Variants in FARSB observed in about 807,000 individuals in gnomAD.
FARSB encodes phenylalanine--tRNA ligase beta subunit.
Under a neutral mutation model 69.6 loss-of-function variants are expected in FARSB, and 40 were observed. That is an observed-to-expected ratio of 0.57 (90% CI 0.45 to 0.75). FARSB has a LOEUF of 0.75. Among genes scored for constraint, FARSB ranks in the 30% least tolerant of loss-of-function variants. FARSB has a pLI of 0.00. For missense variants in FARSB, 632 were observed against 722.9 expected, an observed-to-expected ratio of 0.87 and a Z score of 1.44; for synonymous variants, 235 against 247.2, an observed-to-expected ratio of 0.95 and a Z score of 0.46.
chr2:222,653,606 AATAAC>A (rs1692092935), intron 1 of FARSB, among the ~76,000 whole-genome samples: 1 of 152,040 alleles, frequency 6.6e-6, no homozygotes, highest in Non-Finnish European at 1.5e-5. Context: ...CATCTCAATA[AATAAC>A]ATCAATCCTT....
At chr2:222,621,651 A>C (rs982474411) in intron 13 of FARSB, among the ~76,000 whole-genome samples, 1 of 152,224 alleles carries the variant, frequency 6.6e-6, no homozygotes, top group Admixed American at 6.5e-5. Context: ...AGCCAACTTA[A>C]AAGTGAGCCA....
At chr2:222,602,028 A>G (rs1690573518) in intron 15 of FARSB, among the ~76,000 whole-genome samples, 1 of 152,204 alleles carries the variant, frequency 6.6e-6, no homozygotes, top group South Asian at 2.1e-4. Flanking sequence ...TGGTACATCC[A>G]TACAGTAGGA....
At chr2:222,600,997 T>C (rs981090142) in intron 15 of FARSB, among the ~76,000 whole-genome samples, 1 of 152,240 alleles carries the variant, frequency 6.6e-6, no homozygotes. Flanking sequence ...GAGGACATTA[T>C]GCTAAATTAA....
intron 6 of FARSB, among the ~76,000 whole-genome samples, chr2:222,633,682 CAAAAAAA>C (rs10596934): frequency 1.1e-5 from 1 of 88,218 alleles, no homozygotes; most frequent in South Asian, 3.9e-4. Flanking sequence ...AACTCCGTCT[CAAAAAAA>C]AAAAAAAAAA....
In FARSB at chr2:222,639,572, C is replaced by A; in HGVS notation, c.455+8G>T. 1.4e-6 allele frequency: 2 copies of A among 1,436,444 alleles called. No homozygotes were observed. Among genetic ancestry groups the A allele is most frequent in the South Asian group, 2.5e-5 (2 of 79,638 alleles). 89.0% of individuals were successfully genotyped at this position (1,436,444 alleles called of 1,614,324 possible). ...AAGGCAAGGAAGAAAGAAAATGCAA[C>A]CACAAACCTGCAAATATTCTGATGT... On this transcript the variant is annotated splice_region_variant and intron_variant, in intron 5 of 16. Transcript: ENST00000281828.
chr2:222,633,379 C>G, intron 6 of FARSB, 72 bp from the exon 7 acceptor site: 1 of 717,828 alleles, frequency 1.4e-6, no homozygotes, highest in South Asian at 1.6e-5. Context: ...ACATACTGAC[C>G]TAATATTAAA....
chr2:222,645,095 T>C (rs1036745513), intron 2 of FARSB, among the ~76,000 whole-genome samples: 1 of 151,636 alleles, frequency 6.6e-6, no homozygotes, highest in African/African-American at 2.4e-5. Flanking sequence ...GACAATAATC[T>C]TACAGAAATT....
chr2:222,585,084 A>T (rs1269017732), intron 16 of FARSB, among the ~76,000 whole-genome samples: 1 of 152,090 alleles, frequency 6.6e-6, no homozygotes, highest in Non-Finnish European at 1.5e-5. Context: ...ACTAGGAGAT[A>T]CCTCCCAGTA....
intron 12 of FARSB, 65 bp downstream of exon 12, chr2:222,624,207 C>T (rs116721296): frequency 2.8e-6 from 3 of 1,068,662 alleles, no homozygotes; most frequent in Non-Finnish European, 4.3e-6. Context: ...TTTCTCGAAG[C>T]CTTCCTGGCA....
chr2:222,576,452 C>T (rs1689840137), intron 16 of FARSB, among the ~76,000 whole-genome samples: 1 of 152,020 alleles, frequency 6.6e-6, no homozygotes, highest in African/African-American at 2.4e-5. Flanking sequence ...ACAACAGAAA[C>T]TATCATCATG....
At position 222,570,138 on chromosome 2, in the gene FARSB, T is replaced by C. The variant is rs1240139701; in HGVS notation, c.*1733A>G. Among the ~76,000 whole-genome samples, 1 of 152,248 alleles carries C rather than the reference T, an allele frequency of 6.6e-6. No homozygotes were observed. Among genetic ancestry groups the C allele is most frequent in the Admixed American group, 6.5e-5 (1 of 15,284 alleles). On this transcript the variant is annotated 3_prime_UTR_variant, in exon 17 of 17. Coordinates refer to ENST00000281828, the MANE Select transcript of FARSB (RefSeq NM_005687.5). Reference sequence around the variant, plus strand: ...GTTGCATTTCCCTGATGACTAACGATGTTGAGGATCTTTTCAAGTGCTCAT... The same window carrying C: ...GTTGCATTTCCCTGATGACTAACGACGTTGAGGATCTTTTCAAGTGCTCAT...
chr2:222,604,872 C>T (rs1690659481), intron 15 of FARSB, among the ~76,000 whole-genome samples: 1 of 151,942 alleles, frequency 6.6e-6, no homozygotes, highest in African/African-American at 2.4e-5. Context: ...CATGCCAGAC[C>T]TCAATAATTA....
chr2:222,621,700 CA>C (rs1459049309), intron 13 of FARSB, among the ~76,000 whole-genome samples: 1 of 152,048 alleles, frequency 6.6e-6, no homozygotes, highest in African/African-American at 2.4e-5. Context: ...GCAGATATAG[CA>C]AAAATCAATA....
At chr2:222,608,105 T>C (rs1438349381) in intron 15 of FARSB, among the ~76,000 whole-genome samples, 1 of 152,216 alleles carries the variant, frequency 6.6e-6, no homozygotes, top group Non-Finnish European at 1.5e-5. Context: ...CCATCATGTA[T>C]GCAAATGTGT....
At chr2:222,610,862 C>A (rs1488922312) in intron 15 of FARSB, among the ~76,000 whole-genome samples, 1 of 152,140 alleles carries the variant, frequency 6.6e-6, no homozygotes, top group South Asian at 2.1e-4. Context: ...AACAAATTGT[C>A]CGAATTTAAG....
rs116655892 is a variant in FARSB, at chr2:222,571,867, A to G, written c.*4T>C. 32,475 of 1,611,296 alleles carry G rather than the reference A, an allele frequency of 0.02. 392 individuals are homozygous for G. The highest frequency in any genetic ancestry group is 0.024 in the Non-Finnish European group (28,038 of 1,178,374). ...GAAGAGAATCACACCACAGAGACCA[A>G]TCTTCACAAAAAGGGTCCAACATTG... is the stretch of plus-strand genomic sequence containing the variant. On this transcript the variant is annotated 3_prime_UTR_variant, in exon 17 of 17. Transcript: ENST00000281828.
At chr2:222,585,469 C>T (rs1237978769) in intron 16 of FARSB, among the ~76,000 whole-genome samples, 1 of 152,198 alleles carries the variant, frequency 6.6e-6, no homozygotes, top group Non-Finnish European at 1.5e-5. Flanking sequence ...TCTTCTCTTC[C>T]AAAGGAATGC....
intron 2 of FARSB, among the ~76,000 whole-genome samples, chr2:222,646,818 G>C (rs1691876158): frequency 6.6e-6 from 1 of 152,122 alleles, no homozygotes; most frequent in Non-Finnish European, 1.5e-5. Flanking sequence ...TTCAGTTCCA[G>C]TGATTTTCTG....
chr2:222,595,775 C>T (rs1690395903), intron 16 of FARSB, among the ~76,000 whole-genome samples: 2 of 152,290 alleles, frequency 1.3e-5, no homozygotes, highest in East Asian at 1.9e-4. Flanking sequence ...CCGGCAACCA[C>T]ATAACTGTTC....
Sources: allele counts gnomAD v4.1 joint callset (sites outside exome capture counted in the v4.1 genomes callset), GRCh38; gene constraint gnomAD v4.1.1; transcripts MANE v1.5; gene names NCBI Gene and HGNC (gene_info 2026-07-23, HGNC 2026-07-21).